Variants in TTC17 observed in about 807,000 individuals in gnomAD.
TTC17 encodes the protein tetratricopeptide repeat domain 17.
TTC17 carries 58 observed loss-of-function variants against 143.8 expected under a neutral mutation model. The ratio of observed to expected loss-of-function variants is 0.40; its 90% CI spans 0.33 to 0.50. TTC17 has a LOEUF of 0.50. Ranked by LOEUF, TTC17 falls within the 20% of genes least tolerant of loss-of-function variation. The probability of loss-of-function intolerance (pLI) is 0.49; values close to 1 mark genes in which losing one functional copy is unlikely to be tolerated. For synonymous variants in TTC17, 501 were observed against 497.8 expected, an observed-to-expected ratio of 1.01 and a Z score of -0.09; for missense variants, 1,273 against 1,392.5, an observed-to-expected ratio of 0.91 and a Z score of 1.37.
intron 15 of TTC17, among the ~76,000 whole-genome samples, chr11:43,407,992 A>T (rs1427282637): frequency 2.6e-5 from 4 of 152,172 alleles, no homozygotes; most frequent in Non-Finnish European, 5.9e-5. Flanking sequence ...GACAGTTCAA[A>T]GGTGGTTTTG....
rs1253437445 is a variant in TTC17 at position 43,493,933 on chromosome 11, A to C, written c.*29A>C. 3.2e-5 allele frequency: 49 copies of C among 1,533,128 alleles called. No individual in the cohort carries two copies. Among genetic ancestry groups the C allele is most frequent in the Non-Finnish European group, 4.2e-5 (48 of 1,140,388 alleles). The allele number at this position is 1,533,128 out of a possible 1,614,324, so 95.0% of individuals were successfully genotyped here. A position where few individuals can be genotyped will look rare whatever the true frequency, so the allele number is the denominator to read the frequency against. On this transcript the variant is annotated 3_prime_UTR_variant, in exon 24 of 24. Coordinates refer to ENST00000039989, the MANE Select transcript of TTC17 (RefSeq NM_018259.6). Reference sequence around the variant, plus strand: ...ACTTCTTCCTTCTCTCTTTCTCTTTACTCATGCTCTAAAAAAAAAGAATAA... The same window carrying C: ...ACTTCTTCCTTCTCTCTTTCTCTTTCCTCATGCTCTAAAAAAAAAGAATAA...
At chr11:43,440,569 A>G (rs1248791379) in intron 16 of TTC17, among the ~76,000 whole-genome samples, 2 of 152,074 alleles carry the variant, frequency 1.3e-5, no homozygotes, top group Non-Finnish European at 2.9e-5. Context: ...CCTTTACCTT[A>G]AGACAACCTA....
chr11:43,490,252 G>C lies in TTC17; in HGVS notation c.3044G>C (p.Trp1015Ser). 2 of 1,611,296 alleles carry C rather than the reference G, an allele frequency of 1.2e-6. No homozygotes were observed. Among genetic ancestry groups the C allele is most frequent in the Non-Finnish European group, 1.7e-6 (2 of 1,178,248 alleles). ...AKVLEKNQTS[W>S]VLSSMAALYW... Reference sequence around the variant, plus strand: ...ATTCCTTTGCAGAACCAGACGTCCTGGGTCCTCTCCAGCATGGCAGCCCTC... The same window carrying C: ...ATTCCTTTGCAGAACCAGACGTCCTCGGTCCTCTCCAGCATGGCAGCCCTC... The change falls in exon 22 of 24, where the codon TGG becomes TCG. Residue 1015 changes from tryptophan (W) to serine (S), a missense_variant. Around this residue, in one of 3 missense-constraint regions of TTC17, gnomAD observed 878 missense variants for 899.8 expected, o/e 0.98. Transcript: ENST00000039989.
intron 16 of TTC17, among the ~76,000 whole-genome samples, chr11:43,430,522 TAA>T (rs1285045076): frequency 5.3e-5 from 8 of 152,148 alleles, no homozygotes; most frequent in Non-Finnish European, 1.0e-4. Flanking sequence ...TTTCATATTG[TAA>T]GGCAGTCTGT....
At chr11:43,375,755 TAA>T (rs893632069) in intron 1 of TTC17, among the ~76,000 whole-genome samples, 37 of 152,302 alleles carry the variant, frequency 2.4e-4, no homozygotes, top group African/African-American at 8.7e-4. Context: ...AAAGAATAAT[TAA>T]AAAGTGATTG....
chr11:43,380,195 A>G (rs1424441178), intron 2 of TTC17, among the ~76,000 whole-genome samples: 1 of 152,206 alleles, frequency 6.6e-6, no homozygotes, highest in Non-Finnish European at 1.5e-5. Flanking sequence ...AAGATATGGC[A>G]GAACCAGAAA....
intron 1 of TTC17, among the ~76,000 whole-genome samples, chr11:43,367,353 A>G (rs754953792): frequency 3.9e-5 from 6 of 152,230 alleles, no homozygotes; most frequent in Non-Finnish European, 7.3e-5. Flanking sequence ...TAAAAGGTCA[A>G]CTTTAATGCG....
chr11:43,397,890 A>AT (rs1157159382), intron 7 of TTC17, 84 bp from the exon 8 acceptor site: 353 of 1,498,724 alleles, frequency 2.4e-4, no homozygotes, highest in Middle Eastern at 1.3e-3. Context: ...CGTGGCTAAC[A>AT]TTTTTTTTTC....
chr11:43,362,170 TGTGTG>T (rs1856140680), intron 1 of TTC17, among the ~76,000 whole-genome samples: 1 of 150,758 alleles, frequency 6.6e-6, no homozygotes, highest in Non-Finnish European at 1.5e-5. Flanking sequence ...TGTGTGTGTG[TGTGTG>T]TGTGTGTGTG....
intron 1 of TTC17, among the ~76,000 whole-genome samples, chr11:43,366,110 A>G (rs1395636817): frequency 6.6e-6 from 1 of 151,828 alleles, no homozygotes; most frequent in Non-Finnish European, 1.5e-5. Flanking sequence ...CCTCCCGAGT[A>G]GCTGGGACTA....
At chr11:43,385,754 A>G (rs909302512) in intron 2 of TTC17, 19 of 151,564 alleles carry the variant, frequency 1.3e-4, no homozygotes, top group Admixed American at 8.5e-4. Flanking sequence ...AATGAGTTAA[A>G]TATTCAACAC....
At chr11:43,401,311 A>T (rs977277480) in intron 9 of TTC17, 135 bp from the exon 10 acceptor site, 3 of 568,666 alleles carry the variant, frequency 5.3e-6, no homozygotes, top group Non-Finnish European at 9.4e-6. Context: ...ATTTCTCTAT[A>T]TAAGTACGTC....
intron 1 of TTC17, among the ~76,000 whole-genome samples, chr11:43,368,273 C>G (rs1856426945): frequency 6.6e-6 from 1 of 152,142 alleles, no homozygotes; most frequent in African/African-American, 2.4e-5. Flanking sequence ...ACTCTCAAAT[C>G]TTACGTGCAG....
At chr11:43,462,701 A>G (rs1947890996) in intron 21 of TTC17, among the ~76,000 whole-genome samples, 1 of 152,192 alleles carries the variant, frequency 6.6e-6, no homozygotes, top group Non-Finnish European at 1.5e-5. Context: ...CAAGGTAGGT[A>G]TGTTCTGTAA....
In TTC17 at chr11:43,470,523, T is replaced by C. The variant is rs78575016; in HGVS notation, c.3030+19258T>C. Among the ~76,000 whole-genome samples the C allele has an allele frequency of 1.7e-4, 26 of 152,356 alleles. No homozygotes were observed. In the East Asian group the frequency reaches 4.6e-3, roughly 27 times the overall value. On this transcript the variant is annotated intron_variant, in intron 21 of 23. Transcript: ENST00000039989. ...CTTTTCATCAGGTATTTGTAGTTTA[T>C]TTACAATCATCTCAGTCCAGATAGG...
At chr11:43,361,421 A>G (rs1856099471) in intron 1 of TTC17, among the ~76,000 whole-genome samples, 1 of 152,240 alleles carries the variant, frequency 6.6e-6, no homozygotes, top group African/African-American at 2.4e-5. Flanking sequence ...TCAAAAATGC[A>G]TTTAATGTAC....
At chr11:43,465,984 G>A (rs1947964400) in intron 21 of TTC17, among the ~76,000 whole-genome samples, 1 of 152,142 alleles carries the variant, frequency 6.6e-6, no homozygotes, top group Admixed American at 6.5e-5. Flanking sequence ...AATTAACAGA[G>A]TGAAAAGACA....
Position 43,412,482 on chromosome 11 carries a change from A to C in TTC17, c.2065-2108A>C, listed in dbSNP as rs1471127403. On this transcript the variant is annotated intron_variant, in intron 15 of 23. Transcript: ENST00000039989. The stretch of plus-strand genomic sequence containing the variant: ...AAAAAAAGGAAATAAAGAAAACATC[A>C]GATTTCTAAGAATAAACCTAAAAGA... 5.9e-5 allele frequency among the ~76,000 whole-genome samples: 9 copies of C among 152,306 alleles called. No homozygotes were observed. The East Asian group carries it at 1.4e-3, about 23-fold the overall frequency.
At chr11:43,488,305 A>G (rs1460271036) in intron 21 of TTC17, among the ~76,000 whole-genome samples, 1 of 152,206 alleles carries the variant, frequency 6.6e-6, no homozygotes, top group Non-Finnish European at 1.5e-5. Flanking sequence ...CAAAAATGTT[A>G]TTGAAAACAC....
Sources: gnomAD v4.1 joint callset for allele counts (sites outside exome capture counted in the v4.1 genomes callset) on GRCh38, gnomAD v4.1.1 for gene constraint, gnomAD v4.1.1 regional missense constraint, MANE v1.5 for transcripts, NCBI Gene and HGNC (gene_info 2026-07-23, HGNC 2026-07-21) for gene names.